TYW1B: variants seen among roughly 807,000 people sequenced by gnomAD.
TYW1B encodes S-adenosyl-L-methionine-dependent tRNA 4-demethylwyosine synthase TYW1B.
TYW1B carries 73 observed loss-of-function variants against 86.9 expected under a neutral mutation model. The ratio of observed to expected loss-of-function variants is 0.84; its 90% CI spans 0.70 to 1.02. TYW1B has a LOEUF of 1.02. Among genes scored for constraint, TYW1B ranks in the 50% least tolerant of loss-of-function variants. The pLI, the probability that TYW1B is intolerant of heterozygous loss-of-function variation, is 0.00. For missense variants in TYW1B, 637 were observed against 827.4 expected, an observed-to-expected ratio of 0.77 and a Z score of 2.82; for synonymous variants, 248 against 292.8, an observed-to-expected ratio of 0.85 and a Z score of 1.56.
At chr7:72,586,317 C>T (rs1811275112) in intron 13 of TYW1B, among the ~76,000 whole-genome samples, 1 of 152,206 alleles carries the variant, frequency 6.6e-6, no homozygotes, top group East Asian at 1.9e-4. Context: ...TTTACTGCAG[C>T]TCAGTCACCT....
chr7:72,670,345 C>G (rs3015905), intron 11 of TYW1B, among the ~76,000 whole-genome samples: 116,738 of 152,058 alleles, frequency 0.77, 45,597 homozygotes, highest in Non-Finnish European at 0.85. Context: ...GCGCCTACCA[C>G]CACGCCCAAC....
At chr7:72,653,023 G>A (rs1185902111) in intron 11 of TYW1B, among the ~76,000 whole-genome samples, 8 of 152,046 alleles carry the variant, frequency 5.3e-5, no homozygotes, top group Non-Finnish European at 8.8e-5. Context: ...TAAACTTGAG[G>A]TAATATAATA....
At chr7:72,783,536 A>C (rs1200875202) in intron 6 of TYW1B, among the ~76,000 whole-genome samples, 9 of 152,294 alleles carry the variant, frequency 5.9e-5, no homozygotes, top group African/African-American at 2.2e-4. Flanking sequence ...CTTTTGCTGC[A>C]ATTTAACCCC....
At position 72,827,091 on chromosome 7, in the gene TYW1B, C is replaced by T. The variant is rs782507908; in HGVS notation, c.5-106G>A. The T allele has an allele frequency of 6.5e-4, 903 of 1,384,022 alleles. 5 individuals carry two copies. In the Middle Eastern group the frequency reaches 7.8e-3, roughly 12 times the overall value. The allele number at this position is 1,384,022 out of a possible 1,614,324, so 85.7% of individuals were successfully genotyped here. A position where few individuals can be genotyped will look rare whatever the true frequency, so the allele number is the denominator to read the frequency against. On this transcript the variant is annotated intron_variant, in intron 1 of 13. Coordinates refer to ENST00000620995, the MANE Select transcript of TYW1B (RefSeq NM_001145440.3). ...ATAAAACCAACCTTACATTCAACAA[C>T]CCAGCTAAGAAATCTAATTTAAAAA...
At chr7:72,703,284 A>G (rs1209708137) in intron 10 of TYW1B, among the ~76,000 whole-genome samples, 1 of 150,980 alleles carries the variant, frequency 6.6e-6, no homozygotes, top group Non-Finnish European at 1.5e-5. Flanking sequence ...TCGGCCTCCC[A>G]AAGTGCTGGG....
At chr7:72,732,171 T>C (rs1787124608) in intron 8 of TYW1B, among the ~76,000 whole-genome samples, 1 of 152,178 alleles carries the variant, frequency 6.6e-6, no homozygotes, top group Admixed American at 6.6e-5. Flanking sequence ...AGATAGACTC[T>C]ACTACCATAA....
intron 13 of TYW1B, among the ~76,000 whole-genome samples, chr7:72,601,025 C>T (rs1811652744): frequency 6.6e-6 from 1 of 151,926 alleles, no homozygotes; most frequent in Admixed American, 6.6e-5. Context: ...GGTGTGGTGG[C>T]AGGCACCTGT....
intron 11 of TYW1B, among the ~76,000 whole-genome samples, chr7:72,689,657 C>T (rs1447893330): frequency 6.6e-6 from 1 of 151,948 alleles, no homozygotes; most frequent in African/African-American, 2.4e-5. Context: ...ACTTATGACA[C>T]GATGTTAAAC....
intron 13 of TYW1B, among the ~76,000 whole-genome samples, chr7:72,585,024 C>A (rs1434142511): frequency 6.6e-6 from 1 of 152,208 alleles, no homozygotes; most frequent in Non-Finnish European, 1.5e-5. Flanking sequence ...GAAGTATATT[C>A]TCCTCCCATT....
At chr7:72,753,049 A>G (rs193096345) in intron 7 of TYW1B, among the ~76,000 whole-genome samples, 32 of 152,248 alleles carry the variant, frequency 2.1e-4, no homozygotes, top group Admixed American at 1.8e-3. Flanking sequence ...AGAGAAAACA[A>G]ATCAGGCATT....
intron 7 of TYW1B, 49 bp from the exon 8 acceptor site, chr7:72,744,650 G>T: frequency 6.3e-7 from 1 of 1,584,006 alleles, no homozygotes; most frequent in African/African-American, 1.3e-5. Context: ...TCAAAGCACA[G>T]AAACAAACCA....
chr7:72,604,468 TA>T (rs1811749100), intron 13 of TYW1B, among the ~76,000 whole-genome samples: 1 of 151,648 alleles, frequency 6.6e-6, no homozygotes, highest in Admixed American at 6.6e-5. Context: ...TCTCAAAAAA[TA>T]AAAAAATTTT....
At chr7:72,812,368 G>A (rs188287660) in intron 3 of TYW1B, among the ~76,000 whole-genome samples, 22 of 152,214 alleles carry the variant, frequency 1.4e-4, no homozygotes, top group African/African-American at 3.4e-4. Flanking sequence ...TCCTGTCAGC[G>A]CTCCAGAAGT....
chr7:72,810,366 G>A (rs1252934503), intron 4 of TYW1B, 105 bp downstream of exon 4: 1 of 1,158,534 alleles, frequency 8.6e-7, no homozygotes, highest in Non-Finnish European at 1.2e-6. Context: ...GTGTGTTTAT[G>A]TGTGTGTACG....
intron 4 of TYW1B, among the ~76,000 whole-genome samples, chr7:72,810,202 C>T (rs1379478813): frequency 6.6e-6 from 1 of 152,106 alleles, no homozygotes; most frequent in Non-Finnish European, 1.5e-5. Context: ...CACTTGAACC[C>T]GGGAGCTAGA....
intron 13 of TYW1B, among the ~76,000 whole-genome samples, chr7:72,582,401 G>A (rs1811176333): frequency 6.6e-6 from 1 of 152,186 alleles, no homozygotes. Context: ...TTACTGCAAG[G>A]AAAGCTGAAA....
intron 7 of TYW1B, among the ~76,000 whole-genome samples, chr7:72,777,050 C>T (rs1202040661): frequency 2.2e-4 from 34 of 152,232 alleles, no homozygotes; most frequent in Non-Finnish European, 4.6e-4. Flanking sequence ...ACTATAACCT[C>T]CTTAATAAGG....
At chr7:72,589,611 T>C (rs1250741697) in intron 13 of TYW1B, among the ~76,000 whole-genome samples, 3 of 152,214 alleles carry the variant, frequency 2.0e-5, no homozygotes, top group Admixed American at 1.3e-4. Flanking sequence ...GCATGGTGGC[T>C]CACGCCTGTA....
chr7:72,649,629 C>A (rs1554442505), intron 11 of TYW1B, among the ~76,000 whole-genome samples: 1 of 152,132 alleles, frequency 6.6e-6, no homozygotes, highest in Non-Finnish European at 1.5e-5. Context: ...TCCATGTGTG[C>A]AGAAGACAGG....
Sources: allele counts gnomAD v4.1 joint callset (sites outside exome capture counted in the v4.1 genomes callset), GRCh38; gene constraint gnomAD v4.1.1; transcripts MANE v1.5; gene names NCBI Gene and HGNC (gene_info 2026-07-23, HGNC 2026-07-21).